PCNX1: variants seen among roughly 807,000 people sequenced by gnomAD.
The protein encoded by PCNX1 is pecanex-like protein 1.
A neutral mutation model predicts 242.2 loss-of-function variants in PCNX1; 78 were observed. That is an observed-to-expected ratio of 0.32 (90% CI 0.27 to 0.39). The LOEUF (loss-of-function observed/expected upper bound fraction) is 0.39, where lower values mean the gene tolerates loss of function less well. Ranked by LOEUF, PCNX1 falls within the 10% of genes least tolerant of loss-of-function variation. The pLI, the probability that PCNX1 is intolerant of heterozygous loss-of-function variation, is 1.00. For missense variants in PCNX1, 2,581 were observed against 2,856.5 expected (o/e 0.90, Z 2.20); for synonymous variants, 1,024 against 1,032.9 (o/e 0.99, Z 0.17).
chr14:71,008,050 T>C (rs1048609672), intron 8 of PCNX1, among the ~76,000 whole-genome samples: 3 of 152,088 alleles, frequency 2.0e-5, no homozygotes, highest in African/African-American at 7.2e-5. Flanking sequence ...AACCTTTTTT[T>C]CCCTAACTTA....
chr14:70,966,540 A>G (rs777623472), intron 3 of PCNX1, among the ~76,000 whole-genome samples: 4 of 152,194 alleles, frequency 2.6e-5, no homozygotes, highest in Non-Finnish European at 4.4e-5. Context: ...GCCCTCCAGC[A>G]GATTCTCCCA....
chr14:70,977,333 T>C lies in PCNX1; in HGVS notation c.996T>C (p.Asn332=), dbSNP rs2058716512. The C allele has an allele frequency of 1.2e-6, 2 of 1,614,186 alleles. No individual in the cohort carries two copies. The highest frequency in any genetic ancestry group is 4.5e-5 in the East Asian group (2 of 44,890). The change falls in exon 6 of 36, where the codon AAT becomes AAC. Residue 332 remains asparagine (N), a synonymous_variant. Transcript: ENST00000304743. ...GATCCAAAGAATCCTTGGTGGAAAATTCTGGTTTATCTGGGGAATTTCAGC... is the reference window on the plus strand; with the variant it reads ...GATCCAAAGAATCCTTGGTGGAAAACTCTGGTTTATCTGGGGAATTTCAGC... ...LSGSKESLVE[N]SGLSGEFQLA... is the part of the protein sequence containing the mutation.
intron 28 of PCNX1, chr14:71,078,502 G>A (rs1382820108): frequency 2.6e-5 from 4 of 152,118 alleles, no homozygotes; most frequent in Non-Finnish European, 5.9e-5. Flanking sequence ...CTTTTCAAAC[G>A]ATAAGTATTT....
At chr14:71,036,644 G>A (rs1417955229) in intron 19 of PCNX1, among the ~76,000 whole-genome samples, 1 of 152,178 alleles carries the variant, frequency 6.6e-6, no homozygotes, top group East Asian at 1.9e-4. Flanking sequence ...AGTACACTGT[G>A]ATGTTTGCAC....
At chr14:71,100,122 T>G (rs1480919975) in intron 30 of PCNX1, among the ~76,000 whole-genome samples, 1 of 152,178 alleles carries the variant, frequency 6.6e-6, no homozygotes, top group Non-Finnish European at 1.5e-5. Flanking sequence ...GTTGGTCCTA[T>G]CATGAAGGTC....
chr14:70,910,454 G>A (rs895266188), intron 1 of PCNX1, among the ~76,000 whole-genome samples: 1 of 151,534 alleles, frequency 6.6e-6, no homozygotes, highest in African/African-American at 2.4e-5. Flanking sequence ...CACATTTGCC[G>A]CCTTACTCTT....
Position 70,968,203 on chromosome 14 carries a change from A to T in PCNX1, c.474A>T (p.Gly158=). The T allele has an allele frequency of 6.2e-7, 1 of 1,612,426 alleles. No homozygotes were observed. The highest frequency in any genetic ancestry group is 8.5e-7 in the Non-Finnish European group (1 of 1,178,582). Residue 158 remains glycine, a synonymous_variant, in exon 4 of 36, where the codon GGA becomes GGT. Transcript: ENST00000304743. ...YAGLDPSNQI[G]SGSSRLGTAA... ...ACTTCATGTCACGTTTTCAGATTGG[A>T]TCTGGTTCCTCGCGTCTTGGAACAG...
chr14:70,944,707 A>G (rs2057391092), intron 1 of PCNX1, among the ~76,000 whole-genome samples: 1 of 152,118 alleles, frequency 6.6e-6, no homozygotes, highest in African/African-American at 2.4e-5. Flanking sequence ...TCCCTACCCA[A>G]ATCTCACCTT....
In PCNX1 at chr14:71,110,276, C is replaced by A; in HGVS notation, c.*341C>A. ...AAACTCTTCATTTCTAAACTATGAT[C>A]TCATATTTTTCTAATTTCTTTGCCA... On this transcript the variant is annotated 3_prime_UTR_variant, in exon 36 of 36. Transcript: ENST00000304743. 4 of 320,624 alleles carry A rather than the reference C, an allele frequency of 1.2e-5. No homozygotes were observed. The highest frequency in any genetic ancestry group is 1.1e-4 in the South Asian group (4 of 35,494). 19.9% of individuals were successfully genotyped at this position (320,624 alleles called of 1,614,324 possible). A position where few individuals can be genotyped will look rare whatever the true frequency, so the allele number is the denominator to read the frequency against.
intron 2 of PCNX1, among the ~76,000 whole-genome samples, chr14:70,947,714 C>G (rs2057515225): frequency 1.3e-5 from 2 of 152,044 alleles, no homozygotes; most frequent in Non-Finnish European, 1.5e-5. Context: ...AATCTGGGCA[C>G]CTAGAAAAGG....
At chr14:71,054,147 G>A (rs2061118127) in intron 24 of PCNX1, among the ~76,000 whole-genome samples, 1 of 152,138 alleles carries the variant, frequency 6.6e-6, no homozygotes, top group Non-Finnish European at 1.5e-5. Context: ...ATCTTTCACT[G>A]AAACCCAAGA....
intron 8 of PCNX1, among the ~76,000 whole-genome samples, chr14:71,002,302 T>C (rs939907154): frequency 6.6e-6 from 1 of 152,234 alleles, no homozygotes; most frequent in African/African-American, 2.4e-5. Context: ...ACTGACTGTT[T>C]GCTGCTACAT....
intron 1 of PCNX1, among the ~76,000 whole-genome samples, chr14:70,910,447 A>G (rs778622071): frequency 1.8e-4 from 28 of 151,532 alleles, no homozygotes; most frequent in Non-Finnish European, 4.0e-4. Flanking sequence ...CCACACACAC[A>G]TTTGCCGCCT....
chr14:70,949,532 ATACTT>A lies in PCNX1; in HGVS notation c.362+2415_362+2419del, dbSNP rs546888234. Among the ~76,000 whole-genome samples, 548 of 152,198 alleles carry A rather than the reference ATACTT, an allele frequency of 3.6e-3. 1 individual carries two copies. Among genetic ancestry groups the A allele is most frequent in the African/African-American group, 0.013 (530 of 41,528 alleles). On this transcript the variant is annotated intron_variant, in intron 2 of 35. Transcript: ENST00000304743. ...ATTTTACTTGACATTTATAAGTAGT[ATACTT>A]TACTTAACCTATTGTAAATTTGTTT...
Position 71,108,733 on chromosome 14 carries a change from G to C in PCNX1, c.6431G>C (p.Gly2144Ala), listed in dbSNP as rs201447456. ...RHSSLRMSTTGFVPCRRSSTS... is the reference protein window; with the variant it reads ...RHSSLRMSTTAFVPCRRSSTS... Reference sequence around the variant, plus strand: ...TCATCCCTCCGGATGTCCACCACTGGGTTTGTGCCTTGTCGGCGCTCTTCT... The same window carrying C: ...TCATCCCTCCGGATGTCCACCACTGCGTTTGTGCCTTGTCGGCGCTCTTCT... The change falls in exon 34 of 36, where the codon GGG becomes GCG. Residue 2144 changes from glycine to alanine, a missense_variant. By Grantham distance (60) the Gly-to-Ala change is moderately conservative. Transcript: ENST00000304743. 1 of 1,614,200 alleles carries C rather than the reference G, an allele frequency of 6.2e-7. No individual in the cohort carries two copies. The highest frequency in any genetic ancestry group is 1.3e-5 in the African/African-American group (1 of 75,034).
At position 70,977,689 on chromosome 14, in the gene PCNX1, G is replaced by T; in HGVS notation, c.1352G>T (p.Ser451Ile). ...TGTGCCAGTGACAAAAGGACTAGCA[G>T]TGAAAAGATTGCTATGGAAGCGAGT... is the stretch of plus-strand genomic sequence containing the variant. Reference protein sequence around the residue: ...NSCASDKRTSSEKIAMEASTN... With the variant: ...NSCASDKRTSIEKIAMEASTN... Residue 451 changes from serine to isoleucine, a missense_variant, in exon 6 of 36, where the codon AGT becomes ATT. Physicochemically the swap from Ser to Ile is moderately radical, Grantham distance 142. This residue lies in a region of PCNX1 where 1,204 missense variants were observed against 1,216.7 expected (regional missense o/e 0.99). Transcript: ENST00000304743. 1 of 1,614,170 alleles carries T rather than the reference G, an allele frequency of 6.2e-7. No individual in the cohort carries two copies. Among genetic ancestry groups the T allele is most frequent in the South Asian group, 1.1e-5 (1 of 91,086 alleles).
intron 3 of PCNX1, among the ~76,000 whole-genome samples, chr14:70,966,513 A>G (rs561593601): frequency 1.5e-3 from 235 of 152,290 alleles, no homozygotes; most frequent in Non-Finnish European, 2.0e-3. Context: ...TCAGACACAC[A>G]AAGACGTTTT....
At chr14:71,070,022 G>T (rs1477689470) in intron 26 of PCNX1, among the ~76,000 whole-genome samples, 1 of 152,166 alleles carries the variant, frequency 6.6e-6, no homozygotes, top group Non-Finnish European at 1.5e-5. Context: ...TCAAGTTTAT[G>T]TAGTATTATA....
intron 26 of PCNX1, among the ~76,000 whole-genome samples, chr14:71,066,764 T>C (rs561180117): frequency 2.6e-5 from 4 of 152,310 alleles, no homozygotes; most frequent in Admixed American, 1.3e-4. Flanking sequence ...ATAGCTCTTA[T>C]TATTTTGAGA....
Sources: allele counts gnomAD v4.1 joint callset (sites outside exome capture counted in the v4.1 genomes callset), GRCh38; gene constraint gnomAD v4.1.1; regional missense constraint gnomAD v4.1.1; transcripts MANE v1.5; gene names NCBI Gene and HGNC (gene_info 2026-07-23, HGNC 2026-07-21).